DLGAP1: variants seen among roughly 807,000 people sequenced by gnomAD.
DLGAP1 encodes DLG associated protein 1, also known as disks large-associated protein 1.
In DLGAP1, 11 loss-of-function variants were observed where a neutral mutation model predicts 90.8. The ratio of observed to expected loss-of-function variants is 0.12; its 90% CI spans 0.08 to 0.20. DLGAP1 has a LOEUF of 0.20. Among genes scored for constraint, DLGAP1 ranks in the 10% least tolerant of loss-of-function variants. The pLI, the probability that DLGAP1 is intolerant of heterozygous loss-of-function variation, is 1.00. For synonymous variants in DLGAP1, 558 were observed against 540.7 expected (o/e 1.03, Z -0.44); for missense variants, 1,050 against 1,333.8 (o/e 0.79, Z 3.31).
intron 2 of DLGAP1, among the ~76,000 whole-genome samples, chr18:4,067,175 GA>G (rs2075382198): frequency 6.9e-6 from 1 of 145,056 alleles, no homozygotes; most frequent in Non-Finnish European, 1.5e-5. Context: ...GGCCTTACCT[GA>G]AGGTGGAGGT....
intron 1 of DLGAP1, among the ~76,000 whole-genome samples, chr18:4,177,082 T>C (rs2077121788): frequency 6.6e-6 from 1 of 152,000 alleles, no homozygotes; most frequent in Non-Finnish European, 1.5e-5. Flanking sequence ...GGCATAGAGG[T>C]GGGTCGAGCT....
chr18:3,769,790 T>A (rs1363960861), intron 5 of DLGAP1, among the ~76,000 whole-genome samples: 1 of 151,974 alleles, frequency 6.6e-6, no homozygotes, highest in African/African-American at 2.4e-5. Flanking sequence ...TGACTACCAG[T>A]GTCAATATCC....
rs562027335 is a variant in DLGAP1, at chr18:4,251,622, T to C, written c.-266-100335A>G. 2.0e-5 allele frequency among the ~76,000 whole-genome samples: 3 copies of C among 152,300 alleles called. No individual in the cohort carries two copies. The East Asian group carries it at 5.8e-4, about 29-fold the overall frequency. On this transcript the variant is annotated intron_variant, in intron 1 of 12. Transcript: ENST00000315677. ...TGTGTATCACAAACTTTTTTCTTTG[T>C]AAAATAGGATTACAATCCCTGGTAC...
intron 4 of DLGAP1, among the ~76,000 whole-genome samples, chr18:3,819,198 T>C (rs539922437): frequency 2.2e-4 from 34 of 152,066 alleles, no homozygotes; most frequent in African/African-American, 8.2e-4. Context: ...TAATCCCAGC[T>C]ATTCAGGAGG....
chr18:3,728,974 G>A (rs937805216), intron 7 of DLGAP1, among the ~76,000 whole-genome samples, 161 bp downstream of exon 7: 1 of 152,302 alleles, frequency 6.6e-6, no homozygotes, highest in African/African-American at 2.4e-5. Context: ...GCCAGAGGCG[G>A]GGATAGAGGC....
chr18:4,131,821 CTG>C (rs964838681), intron 2 of DLGAP1, among the ~76,000 whole-genome samples: 1 of 152,144 alleles, frequency 6.6e-6, no homozygotes, highest in Non-Finnish European at 1.5e-5. Flanking sequence ...TTTCTATTGA[CTG>C]TGCAAATGTT....
intron 2 of DLGAP1, among the ~76,000 whole-genome samples, chr18:4,115,477 CCTTT>C (rs71368730): frequency 7.6e-5 from 11 of 145,480 alleles, no homozygotes; most frequent in East Asian, 2.0e-4. Context: ...TCATTTTCTT[CCTTT>C]CTTTCTTTCT....
intron 2 of DLGAP1, among the ~76,000 whole-genome samples, chr18:4,130,978 T>C (rs1281808265): frequency 1.3e-5 from 2 of 152,152 alleles, no homozygotes; most frequent in Non-Finnish European, 2.9e-5. Context: ...AGGGACTATT[T>C]GCATATAATT....
At chr18:4,010,055 A>G (rs1330697481) in intron 2 of DLGAP1, among the ~76,000 whole-genome samples, 4 of 152,222 alleles carry the variant, frequency 2.6e-5, no homozygotes, top group Admixed American at 2.0e-4. Context: ...AAGGAGCACA[A>G]TTGTCTTGTT....
intron 3 of DLGAP1, among the ~76,000 whole-genome samples, chr18:3,909,667 C>A (rs1013549449): frequency 2.0e-5 from 3 of 152,112 alleles, no homozygotes; most frequent in Non-Finnish European, 4.4e-5. Flanking sequence ...AGTCAATAGA[C>A]GGAAAATTCT....
intron 12 of DLGAP1, among the ~76,000 whole-genome samples, chr18:3,501,773 T>C (rs1199726864): frequency 6.6e-6 from 1 of 152,088 alleles, no homozygotes; most frequent in African/African-American, 2.4e-5. Context: ...CATGCCAGCC[T>C]GGGGAGCTGG....
chr18:3,581,154 T>C (rs1196728029), intron 8 of DLGAP1, among the ~76,000 whole-genome samples: 2 of 152,132 alleles, frequency 1.3e-5, no homozygotes, highest in Non-Finnish European at 2.9e-5. Flanking sequence ...AGAGCCCTGT[T>C]TTCCTGCAGA....
chr18:3,982,962 T>C (rs1456893915), intron 3 of DLGAP1: 1 of 152,170 alleles, frequency 6.6e-6, no homozygotes, highest in Non-Finnish European at 1.5e-5. Context: ...AGTAAAGTGG[T>C]TTCACTATTG....
chr18:3,817,203 G>C (rs1341961406), intron 4 of DLGAP1, among the ~76,000 whole-genome samples: 2 of 152,202 alleles, frequency 1.3e-5, no homozygotes, highest in South Asian at 4.1e-4. Flanking sequence ...GAGTATGTCA[G>C]AGACTAATGA....
intron 2 of DLGAP1, among the ~76,000 whole-genome samples, chr18:4,068,128 C>A (rs1426527569): frequency 6.6e-6 from 1 of 151,866 alleles, no homozygotes; most frequent in East Asian, 1.9e-4. Flanking sequence ...TTCTCCTTTG[C>A]ATTTATTACC....
intron 3 of DLGAP1, among the ~76,000 whole-genome samples, chr18:3,889,941 C>T (rs974969217): frequency 3.3e-5 from 5 of 152,106 alleles, no homozygotes; most frequent in South Asian, 2.1e-4. Flanking sequence ...GGAACCCCAG[C>T]GAAAGAAACA....
intron 1 of DLGAP1, among the ~76,000 whole-genome samples, chr18:4,338,300 ATTG>A (rs1471957282): frequency 6.6e-6 from 1 of 152,222 alleles, no homozygotes; most frequent in Non-Finnish European, 1.5e-5. Context: ...AAAGTAGAAA[ATTG>A]TTGTCAGTTT....
intron 1 of DLGAP1, among the ~76,000 whole-genome samples, chr18:4,349,296 C>T (rs1333553738): frequency 2.0e-5 from 3 of 152,086 alleles, no homozygotes; most frequent in East Asian, 1.9e-4. Context: ...TTCTCCAAAA[C>T]GACTGGCCAG....
intron 3 of DLGAP1, among the ~76,000 whole-genome samples, chr18:3,981,329 G>T (rs1407892458): frequency 1.3e-5 from 2 of 152,252 alleles, no homozygotes; most frequent in Admixed American, 1.3e-4. Context: ...AGATTTGTGT[G>T]CCCACACGTG....
Sources: allele counts gnomAD v4.1 joint callset (sites outside exome capture counted in the v4.1 genomes callset), GRCh38; gene constraint gnomAD v4.1.1; transcripts MANE v1.5; gene names NCBI Gene and HGNC (gene_info 2026-07-23, HGNC 2026-07-21).